KAT2B: variants seen among roughly 807,000 people sequenced by gnomAD.
KAT2B encodes the protein lysine acetyltransferase 2B.
Under a neutral mutation model 105.9 loss-of-function variants are expected in KAT2B, and 36 were observed. The observed-to-expected ratio is 0.34, with a 90% confidence interval of 0.26 to 0.45. The LOEUF (loss-of-function observed/expected upper bound fraction) is 0.45. Among genes scored for constraint, KAT2B ranks in the 20% least tolerant of loss-of-function variants. The pLI is 1.00. For synonymous variants in KAT2B, 397 were observed against 377.9 expected (o/e 1.05, Z -0.59); for missense variants, 820 against 1,021.6 (o/e 0.80, Z 2.69).
intron 11 of KAT2B, among the ~76,000 whole-genome samples, chr3:20,133,773 C>G (rs760571917): frequency 6.6e-6 from 1 of 152,154 alleles, no homozygotes; most frequent in African/African-American, 2.4e-5. Flanking sequence ...GAATAGTTCC[C>G]CCTACCATTG....
chr3:20,106,922 A>C (rs1699015984), intron 5 of KAT2B, among the ~76,000 whole-genome samples: 1 of 139,098 alleles, frequency 7.2e-6, no homozygotes, highest in Admixed American at 7.6e-5. Context: ...AGCTACGTAT[A>C]AAATGAATAG....
At chr3:20,137,365 A>G (rs1176096908) in intron 12 of KAT2B, among the ~76,000 whole-genome samples, 2 of 152,202 alleles carry the variant, frequency 1.3e-5, no homozygotes, top group South Asian at 2.1e-4. Flanking sequence ...GGTGGGTAGC[A>G]TTCTCTGTGA....
rs977049171 is a variant in KAT2B, at chr3:20,081,919, A to G, written c.430+9460A>G. Among the ~76,000 whole-genome samples, 265 of 147,456 alleles carry G rather than the reference A, an allele frequency of 1.8e-3. 6 individuals are homozygous for G. The highest frequency in any genetic ancestry group is 1.0e-3 in the Admixed American group (15 of 14,598). On this transcript the variant is annotated intron_variant, in intron 2 of 17. Transcript: ENST00000263754. Reference sequence around the variant, plus strand: ...TAAATGTATATAGAGAGTCTCATATATATATATATATGAGTCTCTACGTAT... The same window carrying G: ...TAAATGTATATAGAGAGTCTCATATGTATATATATATGAGTCTCTACGTAT...
At chr3:20,081,273 C>A (rs1280756009) in intron 2 of KAT2B, among the ~76,000 whole-genome samples, 1 of 152,224 alleles carries the variant, frequency 6.6e-6, no homozygotes, top group African/African-American at 2.4e-5. Flanking sequence ...CATGTGAGGA[C>A]TGGCTGACTG....
At chr3:20,081,514 C>T (rs1010350025) in intron 2 of KAT2B, among the ~76,000 whole-genome samples, 2 of 152,170 alleles carry the variant, frequency 1.3e-5, no homozygotes, top group African/African-American at 4.8e-5. Flanking sequence ...AAGGCAAAGC[C>T]TCCCCTCGTC....
rs147304960 is a variant in KAT2B at position 20,119,636 on chromosome 3, A to C, written c.1189A>C (p.Asn397His). ...PPPVAGTISY[N>H]STSSSLEQPN... ...TCCTGTGGCTGGGACAATTTCATAC[A>C]ATTCAACCTCATCTTCCCTTGAGCA... The change falls in exon 8 of 18, where the codon AAT (asparagine) becomes CAT (histidine). Residue 397 changes from asparagine to histidine, a missense_variant. Asn to His is a moderately conservative substitution (Grantham distance 68, BLOSUM62 1). Coordinates refer to ENST00000263754, the MANE Select transcript of KAT2B (RefSeq NM_003884.5). 9.9e-6 allele frequency: 16 copies of C among 1,613,946 alleles called. No homozygotes were observed. In the Admixed American group the frequency reaches 2.5e-4, roughly 25 times the overall value.
intron 1 of KAT2B, among the ~76,000 whole-genome samples, chr3:20,048,142 G>A (rs904179947): frequency 2.6e-5 from 4 of 152,036 alleles, no homozygotes; most frequent in African/African-American, 9.7e-5. Flanking sequence ...TCTAAAATGC[G>A]GTAAGTGTCA....
At chr3:20,123,779 G>A (rs982994375) in intron 9 of KAT2B, among the ~76,000 whole-genome samples, 3 of 152,180 alleles carry the variant, frequency 2.0e-5, no homozygotes, top group South Asian at 2.1e-4. Flanking sequence ...AGTCTTGGTC[G>A]CTAGTTTTGT....
chr3:20,152,660 C>CA lies in KAT2B; in HGVS notation c.*141dup, dbSNP rs959463612. The CA allele has an allele frequency of 2.7e-5, 16 of 589,534 alleles. No homozygotes were observed. Among genetic ancestry groups the CA allele is most frequent in the Middle Eastern group, 3.9e-4 (1 of 2,580 alleles). The allele number at this position is 589,534 out of a possible 1,614,324, so 36.5% of individuals were successfully genotyped here. A position where few individuals can be genotyped will look rare whatever the true frequency, so the allele number is the denominator to read the frequency against. On this transcript the variant is annotated 3_prime_UTR_variant, in exon 18 of 18. Transcript: ENST00000263754. The stretch of plus-strand genomic sequence containing the variant: ...GTAATAATTAGCACTTTTGAAAAAA[C>CA]AAAAAACCTCCTTTTAGCTTTTCAG...
chr3:20,057,836 C>T (rs1362748495), intron 1 of KAT2B, among the ~76,000 whole-genome samples: 2 of 152,074 alleles, frequency 1.3e-5, no homozygotes, highest in Non-Finnish European at 2.9e-5. Flanking sequence ...GAGAGCCTGC[C>T]AAGGGGGTTC....
At chr3:20,102,310 A>G (rs1005925972) in intron 5 of KAT2B, among the ~76,000 whole-genome samples, 2 of 152,164 alleles carry the variant, frequency 1.3e-5, no homozygotes, top group Non-Finnish European at 2.9e-5. Flanking sequence ...GTCTCAAAAA[A>G]AAAATTTTTT....
intron 2 of KAT2B, among the ~76,000 whole-genome samples, chr3:20,081,381 A>C (rs551970109): frequency 6.6e-6 from 1 of 152,160 alleles, no homozygotes; most frequent in Admixed American, 6.5e-5. Context: ...AGCAAGGTTG[A>C]CAGCTGCACC....
chr3:20,142,241 C>T (rs1390234534), intron 13 of KAT2B, among the ~76,000 whole-genome samples: 2 of 152,150 alleles, frequency 1.3e-5, no homozygotes, highest in African/African-American at 2.4e-5. Context: ...AAGGCTCCCT[C>T]CCCATTCTTT....
rs75468927 is a variant in KAT2B, at chr3:20,136,527, T to C, written c.1750-415T>C. ...ATATTCTAGTGAAGATTAGCACTTT[T>C]CATTTGCATCTTTTTTTTTTCTTCT... is the stretch of plus-strand genomic sequence containing the variant. On this transcript the variant is annotated intron_variant, in intron 11 of 17. Transcript: ENST00000263754. Among the ~76,000 whole-genome samples the C allele has an allele frequency of 5.2e-3, 799 of 152,256 alleles. 7 individuals are homozygous for C. The highest frequency in any genetic ancestry group is 0.018 in the African/African-American group (756 of 41,538).
chr3:20,110,371 T>TA (rs149128893), intron 5 of KAT2B, among the ~76,000 whole-genome samples: 2,948 of 147,306 alleles, frequency 0.02, 64 homozygotes, highest in African/African-American at 0.06. Flanking sequence ...TTCTGGGAGA[T>TA]AAAAAAAAAA....
intron 9 of KAT2B, among the ~76,000 whole-genome samples, chr3:20,123,215 CATGA>C (rs1364498289): frequency 2.0e-5 from 3 of 152,196 alleles, no homozygotes; most frequent in Non-Finnish European, 2.9e-5. Context: ...CCCCACTCCC[CATGA>C]ACCATTTGGA....
At position 20,125,991 on chromosome 3, in the gene KAT2B, C is replaced by G; in HGVS notation, c.1500C>G (p.Gly500=). The G allele has an allele frequency of 6.2e-7, 1 of 1,613,892 alleles. No individual in the cohort carries two copies. Among genetic ancestry groups the G allele is most frequent in the Non-Finnish European group, 8.5e-7 (1 of 1,179,892 alleles). The change falls in exon 10 of 18, where the codon GGC becomes GGG. Residue 500 remains glycine (G), a synonymous_variant. Coordinates refer to ENST00000263754, the MANE Select transcript of KAT2B (RefSeq NM_003884.5). The part of the protein sequence containing the change: ...RRGVIEFHVV[G]NSLNQKPNKK... ...GTGTAATTGAATTTCACGTGGTTGG[C>G]AATTCCCTCAACCAGAAACCAAACA...
intron 1 of KAT2B, among the ~76,000 whole-genome samples, chr3:20,070,050 G>A (rs1698292232): frequency 6.6e-6 from 1 of 152,148 alleles, no homozygotes; most frequent in South Asian, 2.1e-4. Context: ...GGGGGTAAGA[G>A]TTGGGCCTTC....
chr3:20,067,016 C>T (rs892895127), intron 1 of KAT2B, among the ~76,000 whole-genome samples: 11 of 152,140 alleles, frequency 7.2e-5, no homozygotes, highest in African/African-American at 2.7e-4. Flanking sequence ...AGTTGGAGTG[C>T]TGCGGGGCTG....
Sources: gnomAD v4.1 joint callset for allele counts (sites outside exome capture counted in the v4.1 genomes callset) on GRCh38, gnomAD v4.1.1 for gene constraint, MANE v1.5 for transcripts, NCBI Gene and HGNC (gene_info 2026-07-23, HGNC 2026-07-21) for gene names.